Variants in NLRP2 observed in about 807,000 individuals in gnomAD.
NLRP2 encodes the protein NACHT, LRR and PYD domains-containing protein 2.
A neutral mutation model predicts 97.2 loss-of-function variants in NLRP2; 107 were observed. The observed-to-expected ratio is 1.10, with a 90% CI of 0.94 to 1.29. NLRP2 has a LOEUF of 1.29. NLRP2 is among the 50% of genes most tolerant of loss of function. The pLI is 0.00. For synonymous variants in NLRP2, 663 were observed against 551.5 expected (o/e 1.20, Z -2.83); for missense variants, 1,495 against 1,330.3 (o/e 1.12, Z -1.93).
rs183396295 is a variant in NLRP2, at chr19:54,977,742, T to G, written c.326-10T>G. On this transcript the variant is annotated splice_polypyrimidine_tract_variant and intron_variant, in intron 3 of 12. Transcript: ENST00000448584. ...AGCAACAGGCCTGTAATGCCGCCCT[T>G]TTTCTCCAGGGATAACACGGAAAGA... 6.2e-7 allele frequency: 1 copy of G among 1,613,668 alleles called. No individual in the cohort carries two copies. Among genetic ancestry groups the G allele is most frequent in the African/African-American group, 1.3e-5 (1 of 74,992 alleles).
intron 12 of NLRP2, among the ~76,000 whole-genome samples, chr19:55,000,510 C>G (rs1386181039): frequency 6.7e-6 from 1 of 150,350 alleles, no homozygotes; most frequent in Non-Finnish European, 1.5e-5. Flanking sequence ...GATCTGCTGA[C>G]CTCGTGATCC....
chr19:54,976,614 T>G (rs769398326), intron 3 of NLRP2, among the ~76,000 whole-genome samples: 1 of 151,992 alleles, frequency 6.6e-6, no homozygotes, highest in African/African-American at 2.4e-5. Context: ...CACAAAGTAC[T>G]GGGATTACAG....
intron 6 of NLRP2, among the ~76,000 whole-genome samples, chr19:54,984,500 T>TTTTTTTTTTTTTG (rs764786892): frequency 7.5e-6 from 1 of 132,848 alleles, no homozygotes; most frequent in Non-Finnish European, 1.6e-5. Context: ...TTTTTTTTTT[T>TTTTTTTTTTTTTG]GAGACGGAGT....
chr19:54,990,552 TGTTG>T lies in NLRP2; in HGVS notation c.2593_2596del (p.Val865SerfsTer5). 1 of 1,614,190 alleles carries T rather than the reference TGTTG, an allele frequency of 6.2e-7. No individual in the cohort carries two copies. Among genetic ancestry groups the T allele is most frequent in the Non-Finnish European group, 8.5e-7 (1 of 1,180,030 alleles). On this transcript the variant is annotated frameshift_variant, in exon 10 of 13. Coordinates refer to ENST00000448584, the MANE Select transcript of NLRP2 (RefSeq NM_017852.5). LOFTEE classifies it high-confidence loss of function. The stretch of plus-strand genomic sequence containing the variant: ...GCCAATTGCAAGGACCTTGCTGCTG[TGTTG>T]GTTGTCAGCCGGGAGCTGACACACC...
intron 2 of NLRP2, among the ~76,000 whole-genome samples, chr19:54,971,147 G>A (rs1387725476): frequency 6.6e-6 from 1 of 151,076 alleles, no homozygotes; most frequent in Admixed American, 6.7e-5. Context: ...CAAAGGACAT[G>A]AACTCATCAT....
At chr19:54,969,908 T>C in intron 1 of NLRP2, 91 bp from the exon 2 acceptor site, 8 of 1,248,348 alleles carry the variant, frequency 6.4e-6, no homozygotes, top group Non-Finnish European at 8.2e-6. Context: ...AGATGGTGAG[T>C]GTCCTTGTTC....
At chr19:54,984,329 G>GTGTTTTTTTTTTTTT in intron 6 of NLRP2, among the ~76,000 whole-genome samples, 22 of 79,674 alleles carry the variant, frequency 2.8e-4, no homozygotes, top group African/African-American at 9.7e-4. Context: ...TTTTTTTTGT[G>GTGTTTTTTTTTTTTT]TTTTTTTTTT....
At chr19:54,996,037 C>CAAAAAAAAAAAAACA (rs2072790857) in intron 11 of NLRP2, among the ~76,000 whole-genome samples, 1 of 73,338 alleles carries the variant, frequency 1.4e-5, no homozygotes, top group African/African-American at 5.5e-5. Flanking sequence ...GATCCTGTCT[C>CAAAAAAAAAAAAACA]AAAAAAAAAA....
chr19:54,984,703 G>A (rs2071933389), intron 6 of NLRP2, among the ~76,000 whole-genome samples: 1 of 151,296 alleles, frequency 6.6e-6, no homozygotes, highest in Admixed American at 6.6e-5. Flanking sequence ...GGCAGGTCTC[G>A]AACTCCCGAC....
Position 54,985,162 on chromosome 19 carries a change from G to C in NLRP2, c.2146G>C (p.Val716Leu). Residue 716 changes from valine to leucine, a missense_variant, in exon 7 of 13, where the codon GTA becomes CTA. Transcript: ENST00000448584. ...INDSFLSASLVRILCEQIASD... is the reference protein window; with the variant it reads ...INDSFLSASLLRILCEQIASD... The stretch of plus-strand genomic sequence containing the variant: ...TGATAGCTTTCTCAGTGCCTCCCTA[G>C]TAAGGATCCTGTGTGAACAAATAGC... The C allele has an allele frequency of 6.2e-7, 1 of 1,614,086 alleles. No individual in the cohort carries two copies. Among genetic ancestry groups the C allele is most frequent in the Non-Finnish European group, 8.5e-7 (1 of 1,180,014 alleles).
Position 54,982,434 on chromosome 19 carries a change from A to T in NLRP2, c.736A>T (p.Ser246Cys). ...CAAATTCAAATATGCGTTCTACCTC[A>T]GCTGCAGGGAGCTCAGCCGCCTGGG... The part of the protein sequence containing the change: ...IHKFKYAFYL[S>C]CRELSRLGPC... Residue 246 changes from serine to cysteine, a missense_variant, in exon 6 of 13, where the codon AGC becomes TGC. Coordinates refer to ENST00000448584, the MANE Select transcript of NLRP2 (RefSeq NM_017852.5). 1.2e-6 allele frequency: 2 copies of T among 1,614,158 alleles called. No homozygotes were observed. Among genetic ancestry groups the T allele is most frequent in the Non-Finnish European group, 1.7e-6 (2 of 1,180,022 alleles).
At chr19:54,970,378 C>T (rs75741558) in intron 2 of NLRP2, 83 bp downstream of exon 2, 21,346 of 1,502,094 alleles carry the variant, frequency 0.014, 162 homozygotes, top group Non-Finnish European at 0.017. Context: ...AGGCCAGGCG[C>T]GCTGGCTCAC....
rs376284588 is a variant in NLRP2 at position 54,980,931 on chromosome 19, G to A, written c.398-686G>A. 2.0e-5 allele frequency among the ~76,000 whole-genome samples: 3 copies of A among 152,242 alleles called. No homozygotes were observed. In the East Asian group the frequency reaches 5.8e-4, roughly 30 times the overall value. The stretch of plus-strand genomic sequence containing the variant: ...TTTAGACTGGCCTGGCCAACATGGC[G>A]AAACCCCATCTCTACTAAAAATACA... On this transcript the variant is annotated intron_variant, in intron 4 of 12. Coordinates refer to ENST00000448584, the MANE Select transcript of NLRP2 (RefSeq NM_017852.5).
In NLRP2 at chr19:54,997,441, C is replaced by G. The variant is rs749383131; in HGVS notation, c.3004C>G (p.Leu1002Val). ...CTTGGGGTCTAGTGGAGTGAAGATGCTGTTTGAAACCTTGACATGTTCCAG... is the reference window on the plus strand; with the variant it reads ...CTTGGGGTCTAGTGGAGTGAAGATGGTGTTTGAAACCTTGACATGTTCCAG... ...NPLGSSGVKM[L>V]FETLTCSSGT... is the part of the protein sequence containing the mutation. Residue 1002 changes from leucine (L) to valine (V), a missense_variant, in exon 12 of 13, where the codon CTG becomes GTG. By Grantham distance (32) the Leu-to-Val change is conservative. Transcript: ENST00000448584. The G allele has an allele frequency of 6.2e-7, 1 of 1,614,202 alleles. No individual in the cohort carries two copies. Among genetic ancestry groups the G allele is most frequent in the South Asian group, 1.1e-5 (1 of 91,088 alleles).
chr19:54,968,677 TCCA>T (rs1219776617), intron 1 of NLRP2, among the ~76,000 whole-genome samples: 2 of 142,830 alleles, frequency 1.4e-5, no homozygotes, highest in African/African-American at 5.2e-5. Flanking sequence ...GAGACCAGGC[TCCA>T]CCACTAAGTT....
intron 2 of NLRP2, among the ~76,000 whole-genome samples, chr19:54,973,570 T>C (rs1171248238): frequency 6.6e-6 from 1 of 151,930 alleles, no homozygotes; most frequent in Non-Finnish European, 1.5e-5. Flanking sequence ...GACAGGGTTT[T>C]ACCATGTTGA....
chr19:54,986,354 CAT>C lies in NLRP2; in HGVS notation c.2366+41_2366+42del, dbSNP rs764714772. 1.0e-5 allele frequency: 16 copies of C among 1,576,870 alleles called. No individual in the cohort carries two copies. The East Asian group carries it at 3.4e-4, about 33-fold the overall frequency. ...TCATTAAAATCCTTCATCATACAAA[CAT>C]AAGCTACCACAAGCTTATGTGGCAA... On this transcript the variant is annotated intron_variant, in intron 8 of 12. Transcript: ENST00000448584.
chr19:54,985,271 A>G (rs980864564), intron 7 of NLRP2, 54 bp downstream of exon 7: 30 of 1,528,520 alleles, frequency 2.0e-5, no homozygotes, highest in South Asian at 1.6e-4. Flanking sequence ...AAATGGTACA[A>G]TGTTAACATC....
intron 1 of NLRP2, among the ~76,000 whole-genome samples, chr19:54,968,839 C>G (rs1423511891): frequency 6.6e-6 from 1 of 151,820 alleles, no homozygotes; most frequent in Non-Finnish European, 1.5e-5. Flanking sequence ...GTAGCTGGAA[C>G]TACAGGCACC....
Sources: gnomAD v4.1 joint callset for allele counts (sites outside exome capture counted in the v4.1 genomes callset) on GRCh38, gnomAD v4.1.1 for gene constraint, MANE v1.5 for transcripts, NCBI Gene and HGNC (gene_info 2026-07-23, HGNC 2026-07-21) for gene names.